NR6A1: variants seen among roughly 807,000 people sequenced by gnomAD.
The protein encoded by NR6A1 is nuclear receptor subfamily 6 group A member 1.
In NR6A1, 7 loss-of-function variants were observed where a neutral mutation model predicts 59.1. That is an observed-to-expected ratio of 0.12 (90% CI 0.07 to 0.22). The LOEUF (loss-of-function observed/expected upper bound fraction) is 0.22, where lower values mean the gene tolerates loss of function less well. NR6A1 is among the 10% of genes least tolerant of loss of function. NR6A1 has a pLI of 1.00. For synonymous variants in NR6A1, 243 were observed against 236.1 expected, an observed-to-expected ratio of 1.03 and a Z score of -0.27; for missense variants, 468 against 611.6, an observed-to-expected ratio of 0.77 and a Z score of 2.48.
chr9:124,606,096 C>T (rs899022373), intron 2 of NR6A1, among the ~76,000 whole-genome samples: 34 of 151,752 alleles, frequency 2.2e-4, no homozygotes, highest in African/African-American at 8.0e-4. Context: ...TAAGAGCCTT[C>T]CTCTCCCTTC....
intron 2 of NR6A1, among the ~76,000 whole-genome samples, chr9:124,667,829 T>G (rs1294006294): frequency 2.6e-5 from 4 of 152,236 alleles, no homozygotes; most frequent in Non-Finnish European, 4.4e-5. Flanking sequence ...TTACTACAGA[T>G]GAACTGAGAA....
At chr9:124,531,068 A>G (rs1833084529) in intron 7 of NR6A1, among the ~76,000 whole-genome samples, 1 of 152,264 alleles carries the variant, frequency 6.6e-6, no homozygotes, top group African/African-American at 2.4e-5. Context: ...AGCTGTTATC[A>G]TTACAAATAG....
chr9:124,732,815 G>C (rs571829685), intron 2 of NR6A1, among the ~76,000 whole-genome samples: 1 of 151,942 alleles, frequency 6.6e-6, no homozygotes, highest in East Asian at 1.9e-4. Context: ...TTCAGCCTCA[G>C]CCTCCCGAGT....
intron 2 of NR6A1, among the ~76,000 whole-genome samples, chr9:124,699,119 A>G (rs953298205): frequency 7.9e-5 from 12 of 152,188 alleles, no homozygotes; most frequent in Non-Finnish European, 2.9e-5. Flanking sequence ...ACGACTAAAT[A>G]TACCCTCTCC....
Position 124,540,133 on chromosome 9 carries a change from C to G in NR6A1, c.496G>C (p.Ala166Pro), listed in dbSNP as rs1463060637. Residue 166 changes from alanine (A) to proline (P), a missense_variant, in exon 5 of 10, where the codon GCC becomes CCC. Ala to Pro is a conservative substitution (Grantham distance 27, BLOSUM62 -1). Transcript: ENST00000487099. ...IMSGQEFEEE[A>P]NHWSNHGDSD... The stretch of plus-strand genomic sequence containing the variant: ...TCACCATGGTTGCTCCAGTGATTGG[C>G]CTCTTCCTCAAACTCCTGCCCAGAC... 2.5e-6 allele frequency: 4 copies of G among 1,613,894 alleles called. No individual in the cohort carries two copies. In the African/African-American group the frequency reaches 4.0e-5, roughly 16 times the overall value.
chr9:124,668,627 A>T (rs1211381037), intron 2 of NR6A1, among the ~76,000 whole-genome samples: 1 of 152,196 alleles, frequency 6.6e-6, no homozygotes, highest in Non-Finnish European at 1.5e-5. Flanking sequence ...CATTCTCAAC[A>T]CCGATTTTTC....
chr9:124,585,162 G>A (rs986103342), intron 2 of NR6A1, among the ~76,000 whole-genome samples: 1 of 152,302 alleles, frequency 6.6e-6, no homozygotes. Context: ...GGTTGAGAGA[G>A]GTGAGGAAGC....
intron 2 of NR6A1, among the ~76,000 whole-genome samples, chr9:124,590,009 G>A (rs1835062560): frequency 7.7e-6 from 1 of 129,666 alleles, no homozygotes. Context: ...AGGTTGCAGT[G>A]AGCCGAGATC....
At chr9:124,630,142 G>C (rs1422850347) in intron 2 of NR6A1, among the ~76,000 whole-genome samples, 1 of 149,294 alleles carries the variant, frequency 6.7e-6, no homozygotes, top group African/African-American at 2.5e-5. Context: ...ACAATATCTA[G>C]AATTAAACTC....
At chr9:124,701,686 AAG>A (rs1173584312) in intron 2 of NR6A1, among the ~76,000 whole-genome samples, 1 of 152,142 alleles carries the variant, frequency 6.6e-6, no homozygotes, top group African/African-American at 2.4e-5. Flanking sequence ...ATTGAGTTGT[AAG>A]AGTTCTTTAC....
At chr9:124,560,312 T>G (rs1022853526) in intron 2 of NR6A1, among the ~76,000 whole-genome samples, 3 of 152,228 alleles carry the variant, frequency 2.0e-5, no homozygotes, top group Non-Finnish European at 4.4e-5. Flanking sequence ...TTGATCCATT[T>G]TATCTTTATA....
chr9:124,597,991 A>C (rs1835326396), intron 2 of NR6A1, among the ~76,000 whole-genome samples: 1 of 152,080 alleles, frequency 6.6e-6, no homozygotes, highest in African/African-American at 2.4e-5. Context: ...AGGGGACTAC[A>C]GGCACGCACC....
chr9:124,611,749 T>TAGAGAGAGAGAGAG (rs34197337), intron 2 of NR6A1, among the ~76,000 whole-genome samples: 10 of 91,488 alleles, frequency 1.1e-4, no homozygotes, highest in Admixed American at 2.5e-4. Flanking sequence ...GACCCTGTCT[T>TAGAGAGAGAGAGAG]AGAGAGAGAG....
intron 2 of NR6A1, among the ~76,000 whole-genome samples, chr9:124,687,061 A>G (rs750981763): frequency 3.3e-5 from 5 of 151,474 alleles, no homozygotes; most frequent in Non-Finnish European, 7.4e-5. Context: ...ATACTGCCCT[A>G]GCACTAGGCC....
intron 1 of NR6A1, among the ~76,000 whole-genome samples, chr9:124,770,566 G>T (rs992886594): frequency 1.3e-5 from 2 of 149,926 alleles, no homozygotes; most frequent in Non-Finnish European, 3.0e-5. Flanking sequence ...TGCGTTAAGG[G>T]AACCCGAGTG....
chr9:124,745,074 G>A (rs765157595), intron 1 of NR6A1, among the ~76,000 whole-genome samples: 25 of 151,982 alleles, frequency 1.6e-4, no homozygotes, highest in Admixed American at 1.3e-4. Context: ...TACAAAACTC[G>A]AGGCCATCTA....
At chr9:124,583,652 T>C (rs778100860) in intron 2 of NR6A1, among the ~76,000 whole-genome samples, 1 of 152,198 alleles carries the variant, frequency 6.6e-6, no homozygotes, top group Non-Finnish European at 1.5e-5. Flanking sequence ...CTGTCCTATA[T>C]GAGTCTTAGA....
chr9:124,580,574 C>T (rs1834735111), intron 2 of NR6A1, among the ~76,000 whole-genome samples: 1 of 152,162 alleles, frequency 6.6e-6, no homozygotes, highest in Admixed American at 6.5e-5. Context: ...AATCCCAGCA[C>T]TCTGGGAGGC....
chr9:124,536,692 A>G (rs1435159920), intron 6 of NR6A1, among the ~76,000 whole-genome samples: 1 of 151,958 alleles, frequency 6.6e-6, no homozygotes, highest in African/African-American at 2.4e-5. Context: ...AATGTGTCCA[A>G]TTGTCAGGGA....
Sources: gnomAD v4.1 joint callset for allele counts (sites outside exome capture counted in the v4.1 genomes callset) on GRCh38, gnomAD v4.1.1 for gene constraint, MANE v1.5 for transcripts, NCBI Gene and HGNC (gene_info 2026-07-23, HGNC 2026-07-21) for gene names.